The following LYST variants were observed in gnomAD, a reference collection of about 807,000 sequenced individuals.
The protein encoded by LYST is lysosomal-trafficking regulator.
A neutral mutation model predicts 413.6 loss-of-function variants in LYST; 192 were observed. The ratio of observed to expected loss-of-function variants is 0.46; its 90% confidence interval spans 0.41 to 0.52. The LOEUF (loss-of-function observed/expected upper bound fraction) is 0.52. Among genes scored for constraint, LYST ranks in the 20% least tolerant of loss-of-function variants. The probability of loss-of-function intolerance (pLI) is 0.00; values close to 1 mark genes in which losing one functional copy is unlikely to be tolerated. For synonymous variants in LYST, 1,525 were observed against 1,567.3 expected (o/e 0.97, Z 0.64); for missense variants, 3,815 against 4,499.9 (o/e 0.85, Z 4.35).
At chr1:235,774,587 TA>T (rs1669038581) in intron 18 of LYST, among the ~76,000 whole-genome samples, 1 of 152,124 alleles carries the variant, frequency 6.6e-6, no homozygotes, top group Non-Finnish European at 1.5e-5. Context: ...TTCTCTGCCA[TA>T]AGGGTGGGAG....
At chr1:235,845,682 C>T (rs376882622) in intron 1 of LYST, among the ~76,000 whole-genome samples, 3 of 152,066 alleles carry the variant, frequency 2.0e-5, no homozygotes, top group South Asian at 4.1e-4. Flanking sequence ...CTTCTGTTTG[C>T]GTGGGAGCTG....
chr1:235,800,794 G>A, intron 9 of LYST, 77 bp downstream of exon 9: 4 of 992,626 alleles, frequency 4.0e-6, no homozygotes, highest in Non-Finnish European at 6.2e-6. Context: ...CAGAAAAGCT[G>A]GGTTATACAT....
intron 45 of LYST, among the ~76,000 whole-genome samples, chr1:235,697,894 G>C (rs2103087596): frequency 6.6e-6 from 1 of 152,322 alleles, no homozygotes; most frequent in Non-Finnish European, 1.5e-5. Flanking sequence ...ATAAAAGGTA[G>C]AGCTTGAAGA....
At chr1:235,874,659 T>G (rs1681065400) in intron 1 of LYST, among the ~76,000 whole-genome samples, 1 of 152,222 alleles carries the variant, frequency 6.6e-6, no homozygotes, top group African/African-American at 2.4e-5. Context: ...ATTCTGAAAC[T>G]AAGCCCTTCC....
intron 3 of LYST, among the ~76,000 whole-genome samples, chr1:235,816,128 CAAAAAAAAAAAAAAAA>C (rs59556548): frequency 2.5e-4 from 3 of 11,794 alleles, no homozygotes; most frequent in African/African-American, 9.8e-4. Flanking sequence ...GACTCCATCT[CAAAAAAAAAAAAAAAA>C]AAAAAAAAAA....
upstream of LYST, among the ~76,000 whole-genome samples, chr1:235,868,476 TTTAATG>T (rs1680762438): frequency 6.6e-6 from 1 of 152,186 alleles, no homozygotes; most frequent in South Asian, 2.1e-4. Flanking sequence ...ACCCCCCTTT[TTTAATG>T]GACAAAAGAA....
intron 20 of LYST, among the ~76,000 whole-genome samples, chr1:235,769,654 AAAAATTAACT>A (rs1668467624): frequency 6.6e-6 from 1 of 152,256 alleles, no homozygotes; most frequent in South Asian, 2.1e-4. Flanking sequence ...AGGCAGAGAA[AAAAATTAACT>A]AAAAGGGCCA....
intron 3 of LYST, chr1:235,827,464 A>T: frequency 1.0e-6 from 1 of 984,292 alleles, no homozygotes; most frequent in Non-Finnish European, 1.2e-6. Flanking sequence ...GCTCCTATTC[A>T]TGAGAAGCAC....
chr1:235,664,129 T>G lies in LYST; in HGVS notation c.11196-74A>C. 1 of 1,179,354 alleles carries G rather than the reference T, an allele frequency of 8.5e-7. No homozygotes were observed. The highest frequency in any genetic ancestry group is 1.7e-5 in the Admixed American group (1 of 59,128). 73.1% of individuals were successfully genotyped at this position (1,179,354 alleles called of 1,614,324 possible). A position where few individuals can be genotyped will look rare whatever the true frequency, so the allele number is the denominator to read the frequency against. ...CTAAAAAGCCCTCTATATTTGTTTA[T>G]TTGTTAAAAATCATGTGGAAGGAAA... On this transcript the variant is annotated intron_variant, in intron 51 of 52. Transcript: ENST00000389793. This position sits in a 1 kb window ranked among gnomAD's most constrained non-coding sequence, Gnocchi z 4.5.
chr1:235,838,376 C>A (rs544775545), intron 1 of LYST, among the ~76,000 whole-genome samples: 1 of 152,144 alleles, frequency 6.6e-6, no homozygotes, highest in East Asian at 1.9e-4. Flanking sequence ...GTCAAATACT[C>A]CATGGGAATC....
rs779037673 is a variant in LYST at position 235,801,035 on chromosome 1, C to T, written c.3775G>A (p.Glu1259Lys). The change falls in exon 9 of 53, where the codon GAA becomes AAA. Residue 1259 changes from glutamate to lysine, a missense_variant. Around this residue, in one of 4 missense-constraint regions of LYST, gnomAD observed 1,648 missense variants for 1,810.3 expected, o/e 0.91. Coordinates refer to ENST00000389793, the MANE Select transcript of LYST (RefSeq NM_000081.4). ...ATTATTTCCCCTTGAGTGAGGTTTT[C>T]GAGTAAGTCATTTGGACTGCTTGAT... ...SASSSPNDLL[E>K]NLTQGEIIYP... 12 of 1,613,660 alleles carry T rather than the reference C, an allele frequency of 7.4e-6. No individual in the cohort carries two copies. The highest frequency in any genetic ancestry group is 1.3e-5 in the African/African-American group (1 of 75,008).
chr1:235,741,756 T>C (rs1171294425), intron 30 of LYST, 128 bp from the exon 31 acceptor site: 6 of 724,006 alleles, frequency 8.3e-6, no homozygotes, highest in Admixed American at 4.1e-5. Flanking sequence ...TAGTCAAAAT[T>C]AGAAAGAGAT....
Position 235,758,982 on chromosome 1 carries a change from T to G in LYST, c.6871A>C (p.Ser2291Arg). The G allele has an allele frequency of 1.2e-6, 2 of 1,614,014 alleles. No homozygotes were observed. Among genetic ancestry groups the G allele is most frequent in the Non-Finnish European group, 1.7e-6 (2 of 1,179,952 alleles). Residue 2291 changes from serine (S) to arginine (R), a missense_variant, in exon 23 of 53, where the codon AGT (serine) becomes CGT (arginine). Physicochemically the swap from Ser to Arg is moderately radical, Grantham distance 110 (BLOSUM62 -1). Transcript: ENST00000389793. Reference sequence around the variant, plus strand: ...AAAACACATAAGTACCTGTGAGCACTTGCAGTTCGGTTGTAATTTGGCTCA... The same window carrying G: ...AAAACACATAAGTACCTGTGAGCACGTGCAGTTCGGTTGTAATTTGGCTCA... Reference protein sequence around the residue: ...GYEPNYNRTASAHSVTEDCLV... With the variant: ...GYEPNYNRTARAHSVTEDCLV...
At chr1:235,878,241 C>T (rs1163681502) in intron 1 of LYST, among the ~76,000 whole-genome samples, 2 of 152,154 alleles carry the variant, frequency 1.3e-5, no homozygotes, top group Non-Finnish European at 2.9e-5. Flanking sequence ...GGACTCCAGG[C>T]CAGGAGGCAG....
intron 8 of LYST, among the ~76,000 whole-genome samples, chr1:235,801,423 C>G (rs905723371): frequency 4.0e-5 from 6 of 151,484 alleles, no homozygotes; most frequent in Non-Finnish European, 8.8e-5. Context: ...TGACCCCCCC[C>G]TCAAATACCT....
chr1:235,768,922 G>C (rs1322623987), intron 20 of LYST, among the ~76,000 whole-genome samples: 1 of 151,950 alleles, frequency 6.6e-6, no homozygotes, highest in African/African-American at 2.4e-5. Flanking sequence ...GCCAAGAAAG[G>C]CAATAAAATG....
At chr1:235,800,812 T>C in intron 9 of LYST, 59 bp downstream of exon 9, 1 of 1,150,804 alleles carries the variant, frequency 8.7e-7, no homozygotes, top group Non-Finnish European at 1.3e-6. Context: ...CATAAGGAGA[T>C]GTTATTGGGT....
At chr1:235,761,445 T>C (rs115789221) in intron 22 of LYST, among the ~76,000 whole-genome samples, 1,955 of 152,292 alleles carry the variant, frequency 0.013, 46 homozygotes, top group African/African-American at 0.044. Flanking sequence ...GATGAGACTC[T>C]GTTAAGAGTC....
intron 1 of LYST, among the ~76,000 whole-genome samples, chr1:235,840,504 G>A (rs1677093167): frequency 6.6e-6 from 1 of 152,178 alleles, no homozygotes; most frequent in South Asian, 2.1e-4. Flanking sequence ...AGTCTTATCA[G>A]AATCACCTAT....
Sources: allele counts gnomAD v4.1 joint callset (sites outside exome capture counted in the v4.1 genomes callset), GRCh38; gene constraint gnomAD v4.1.1; regional missense constraint gnomAD v4.1.1; non-coding constraint Gnocchi (gnomAD v3.1); transcripts MANE v1.5; gene names NCBI Gene and HGNC (gene_info 2026-07-23, HGNC 2026-07-21).